The following DNMT3B variants were observed in gnomAD, a reference collection of about 807,000 sequenced individuals.
DNMT3B encodes the protein DNA methyltransferase 3 beta.
Under a neutral mutation model 120.2 loss-of-function variants are expected in DNMT3B, and 37 were observed. The ratio of observed to expected loss-of-function variants is 0.31; its 90% confidence interval spans 0.24 to 0.40. DNMT3B has a LOEUF of 0.40. DNMT3B is among the 10% of genes least tolerant of loss of function. The pLI, the probability that DNMT3B is intolerant of heterozygous loss-of-function variation, is 1.00. For missense variants in DNMT3B, 878 were observed against 1,137.3 expected (o/e 0.77, Z 3.28); for synonymous variants, 412 against 442.8 (o/e 0.93, Z 0.87).
chr20:32,807,619 G>A, intron 22 of DNMT3B, 143 bp from the exon 23 acceptor site: 2 of 1,225,284 alleles, frequency 1.6e-6, no homozygotes, highest in Non-Finnish European at 2.4e-6. Flanking sequence ...TCTGAATTAA[G>A]GGCTCTGAAT....
At chr20:32,785,240 A>G (rs1281790471) in intron 4 of DNMT3B, among the ~76,000 whole-genome samples, 1 of 152,052 alleles carries the variant, frequency 6.6e-6, no homozygotes, top group Admixed American at 6.5e-5. Context: ...AAGTTTTACC[A>G]TGTTGGCCAG....
chr20:32,800,004 A>G (rs1188618495), intron 16 of DNMT3B, 149 bp from the exon 17 acceptor site: 9 of 1,172,970 alleles, frequency 7.7e-6, no homozygotes, highest in African/African-American at 4.6e-5. Context: ...CACAGCCAAT[A>G]TGTGTGGTGC....
At chr20:32,794,807 A>G (rs921990863) in intron 10 of DNMT3B, among the ~76,000 whole-genome samples, 9 of 152,228 alleles carry the variant, frequency 5.9e-5, no homozygotes, top group Admixed American at 2.0e-4. Flanking sequence ...TACATATTAC[A>G]TATTTTACAG....
chr20:32,807,812 G>C lies in DNMT3B; in HGVS notation c.2471G>C (p.Gly824Ala). 1 of 1,614,194 alleles carries C rather than the reference G, an allele frequency of 6.2e-7. No homozygotes were observed. The highest frequency in any genetic ancestry group is 8.5e-7 in the Non-Finnish European group (1 of 1,180,036). Residue 824 changes from glycine (G) to alanine (A), a missense_variant, in exon 23 of 23, where the codon GGT becomes GCT. By Grantham distance (60) the Gly-to-Ala change is moderately conservative (BLOSUM62 0). Around this residue, in one of 4 missense-constraint regions of DNMT3B, gnomAD observed 334 missense variants for 518.8 expected, o/e 0.64. Transcript: ENST00000328111. ...HYTDVSNMGR[G>A]ARQKLLGRSW... ...ACAGACGTGTCCAACATGGGCCGTG[G>C]TGCCCGCCAGAAGCTGCTGGGAAGG...
At chr20:32,786,719 ATC>A in intron 5 of DNMT3B, 92 bp downstream of exon 5, 2 of 1,589,076 alleles carry the variant, frequency 1.3e-6, no homozygotes, top group Middle Eastern at 1.7e-4. Flanking sequence ...CTGGTAGATA[ATC>A]TGTGTCCTTT....
At chr20:32,781,137 T>C (rs1337051092) in intron 2 of DNMT3B, among the ~76,000 whole-genome samples, 1 of 152,124 alleles carries the variant, frequency 6.6e-6, no homozygotes, top group Non-Finnish European at 1.5e-5. Flanking sequence ...TTGGTTTGGG[T>C]CCTGTCACGT....
chr20:32,785,499 A>G (rs1475633974), intron 4 of DNMT3B, among the ~76,000 whole-genome samples: 3 of 152,114 alleles, frequency 2.0e-5, no homozygotes, highest in African/African-American at 7.2e-5. Context: ...TTTGTGCCTC[A>G]GAGTTTTGAG....
intron 1 of DNMT3B, among the ~76,000 whole-genome samples, chr20:32,776,292 G>A (rs1214070310): frequency 6.6e-6 from 1 of 151,980 alleles, no homozygotes; most frequent in Admixed American, 6.6e-5. Context: ...GTAGGGCCCT[G>A]GGAACTGTTA....
At position 32,772,080 on chromosome 20, in the gene DNMT3B, C is replaced by A. The variant is rs1987780701; in HGVS notation, c.-6-8238C>A. Among the ~76,000 whole-genome samples, 4 of 152,118 alleles carry A rather than the reference C, an allele frequency of 2.6e-5. 1 individual carries two copies. The South Asian group carries it at 8.3e-4, about 31-fold the overall frequency. ...AACAATAAGTACTGCACTCTTTGCC[C>A]CCTATTGTGGAAGCAGGTAATTTAG... On this transcript the variant is annotated intron_variant, in intron 1 of 22. Transcript: ENST00000328111.
At chr20:32,788,501 T>C (rs1409491411) in intron 6 of DNMT3B, among the ~76,000 whole-genome samples, 1 of 152,196 alleles carries the variant, frequency 6.6e-6, no homozygotes, top group East Asian at 1.9e-4. Flanking sequence ...GGGATCTCAC[T>C]ATGGTGCCCA....
intron 17 of DNMT3B, among the ~76,000 whole-genome samples, chr20:32,800,552 G>A (rs984215257): frequency 6.6e-6 from 1 of 152,066 alleles, no homozygotes; most frequent in Non-Finnish European, 1.5e-5. Context: ...TCTGCCTCCC[G>A]GGTTTAAGCG....
At position 32,774,731 on chromosome 20, in the gene DNMT3B, A is replaced by G. The variant is rs963305418; in HGVS notation, c.-6-5587A>G. Among the ~76,000 whole-genome samples the G allele has an allele frequency of 5.4e-5, 8 of 148,526 alleles. No individual in the cohort carries two copies. In the South Asian group the frequency reaches 1.3e-3, roughly 24 times the overall value. On this transcript the variant is annotated intron_variant, in intron 1 of 22. Transcript: ENST00000328111. ...TCTTGTCTTGTCTTTTTTCTTTTCT[A>G]TTTTGAGATGGAGTCTCCCCCTTGT... is the stretch of plus-strand genomic sequence containing the variant.
At chr20:32,781,472 A>G in intron 3 of DNMT3B, 58 bp downstream of exon 3, 1 of 1,594,726 alleles carries the variant, frequency 6.3e-7, no homozygotes, top group Non-Finnish European at 8.6e-7. Flanking sequence ...GGCTTTCATC[A>G]CGTGGGCTGC....
chr20:32,788,709 A>T, intron 6 of DNMT3B, 145 bp from the exon 7 acceptor site: 1 of 1,032,178 alleles, frequency 9.7e-7, no homozygotes, highest in South Asian at 1.5e-5. Context: ...AAGTACTGAG[A>T]ATTACAGGCA....
In DNMT3B at chr20:32,767,046, A is replaced by G. The variant is rs1487088214; in HGVS notation, c.-7+4347A>G. ...CCTGGGACTACGGGCGTGGTGGTGC[A>G]TGCCCGGCTAATTCTGTATTTTTTT... On this transcript the variant is annotated intron_variant, in intron 1 of 22. Transcript: ENST00000328111. Among the ~76,000 whole-genome samples, 7 of 152,086 alleles carry G rather than the reference A, an allele frequency of 4.6e-5. No homozygotes were observed. The South Asian group carries it at 6.2e-4, about 14-fold the overall frequency.
In DNMT3B at chr20:32,809,356, A is replaced by G. The variant is rs1279372443; in HGVS notation, c.*1453A>G. The G allele has an allele frequency of 5.1e-6, 1 of 197,514 alleles. No individual in the cohort carries two copies. Among genetic ancestry groups the G allele is most frequent in the Admixed American group, 6.1e-5 (1 of 16,520 alleles). 12.2% of individuals were successfully genotyped at this position (197,514 alleles called of 1,614,324 possible). Reference sequence around the variant, plus strand: ...GTTTAATTAAAATCAGTATTTGTCTATAACTGTCTGATGTCCCTTTTCTTC... The same window carrying G: ...GTTTAATTAAAATCAGTATTTGTCTGTAACTGTCTGATGTCCCTTTTCTTC... On this transcript the variant is annotated 3_prime_UTR_variant, in exon 23 of 23. Coordinates refer to ENST00000328111, the MANE Select transcript of DNMT3B (RefSeq NM_006892.4).
In DNMT3B at chr20:32,787,424, T is replaced by C. The variant is rs1447638238; in HGVS notation, c.627T>C (p.Ser209=). The change falls in exon 6 of 23, where the codon AGT becomes AGC. Residue 209 remains serine, a synonymous_variant. Transcript: ENST00000328111. ...GMESPQVEAD[S]GDGDSSEYQD... ...AGTCCCCGCAGGTGGAGGCAGACAG[T>C]GGAGATGGAGACAGTTCAGAGTATC... The C allele has an allele frequency of 6.2e-7, 1 of 1,613,992 alleles. No individual in the cohort carries two copies. The highest frequency in any genetic ancestry group is 8.5e-7 in the Non-Finnish European group (1 of 1,179,990).
intron 1 of DNMT3B, among the ~76,000 whole-genome samples, chr20:32,765,033 G>C (rs970420327): frequency 2.6e-5 from 4 of 152,204 alleles, no homozygotes; most frequent in Non-Finnish European, 5.9e-5. Context: ...TCCTAGACCA[G>C]CTCTTATGCC....
intron 20 of DNMT3B, among the ~76,000 whole-genome samples, chr20:32,803,761 C>T (rs1981652265): frequency 6.6e-6 from 1 of 152,050 alleles, no homozygotes; most frequent in Admixed American, 6.6e-5. Context: ...GGGAAACATC[C>T]CCAGACCAGC....
Sources: gnomAD v4.1 joint callset for allele counts (sites outside exome capture counted in the v4.1 genomes callset) on GRCh38, gnomAD v4.1.1 for gene constraint, gnomAD v4.1.1 regional missense constraint, MANE v1.5 for transcripts, NCBI Gene and HGNC (gene_info 2026-07-23, HGNC 2026-07-21) for gene names.